PKIB: variants seen among roughly 807,000 people sequenced by gnomAD.
PKIB encodes PKI-beta.
Under a neutral mutation model 4.5 loss-of-function variants are expected in PKIB, and 2 were observed. That is an observed-to-expected ratio of 0.44 (90% CI 0.18 to 1.39). The LOEUF is 1.39. Ranked by LOEUF, PKIB falls within the 40% of genes most tolerant of loss-of-function variation. The pLI is 0.27. For synonymous variants in PKIB, 38 were observed against 36.0 expected, an observed-to-expected ratio of 1.06 and a Z score of -0.20; for missense variants, 94 against 92.6, an observed-to-expected ratio of 1.02 and a Z score of -0.06.
At chr6:122,684,526 G>A (rs780435454) in intron 3 of PKIB, among the ~76,000 whole-genome samples, 1 of 151,972 alleles carries the variant, frequency 6.6e-6, no homozygotes, top group Non-Finnish European at 1.5e-5. Context: ...CTAGTAATCT[G>A]ATGTTAGAAA....
chr6:122,508,455 C>T (rs909549958), intron 2 of PKIB, among the ~76,000 whole-genome samples: 1 of 151,962 alleles, frequency 6.6e-6, no homozygotes, highest in African/African-American at 2.4e-5. Context: ...GTTTTTAAGT[C>T]CTGTTGTGTT....
At chr6:122,490,992 C>T (rs1393258967) in intron 2 of PKIB, among the ~76,000 whole-genome samples, 2 of 152,022 alleles carry the variant, frequency 1.3e-5, no homozygotes, top group East Asian at 3.9e-4. Flanking sequence ...GTTCCTGCCT[C>T]CTCAGAAGAA....
At chr6:122,690,343 T>A (rs1345220949) in intron 3 of PKIB, among the ~76,000 whole-genome samples, 2 of 152,116 alleles carry the variant, frequency 1.3e-5, no homozygotes, top group Non-Finnish European at 2.9e-5. Context: ...GCGTTCCTTT[T>A]AGTGAAGATG....
chr6:122,540,600 A>G, intron 2 of PKIB, among the ~76,000 whole-genome samples: 1 of 151,874 alleles, frequency 6.6e-6, no homozygotes, highest in East Asian at 1.9e-4. Context: ...TTTACTTCCA[A>G]CTATGTGGTC....
chr6:122,548,739 G>A (rs778961920), intron 2 of PKIB, among the ~76,000 whole-genome samples: 2 of 151,992 alleles, frequency 1.3e-5, no homozygotes, highest in East Asian at 1.9e-4. Flanking sequence ...AATATATTGA[G>A]TACAATTAAT....
At chr6:122,662,082 A>G (rs1166748620) in intron 2 of PKIB, among the ~76,000 whole-genome samples, 1 of 152,040 alleles carries the variant, frequency 6.6e-6, no homozygotes, top group African/African-American at 2.4e-5. Flanking sequence ...TTCTATATAT[A>G]CTTAACTTAC....
chr6:122,592,776 C>A (rs1774057744), intron 3 of PKIB, among the ~76,000 whole-genome samples: 1 of 152,134 alleles, frequency 6.6e-6, no homozygotes, highest in Non-Finnish European at 1.5e-5. Context: ...GTTAAGGATG[C>A]AAGTACAGCA....
intron 2 of PKIB, among the ~76,000 whole-genome samples, chr6:122,574,205 G>A (rs890637491): frequency 6.6e-6 from 1 of 151,994 alleles, no homozygotes; most frequent in Non-Finnish European, 1.5e-5. Context: ...CAAAAATCTA[G>A]GAATATCCTT....
chr6:122,533,043 T>A (rs963658557), intron 2 of PKIB, among the ~76,000 whole-genome samples: 1 of 152,176 alleles, frequency 6.6e-6, no homozygotes, highest in African/African-American at 2.4e-5. Context: ...TTTTGAGTTG[T>A]AGCAGTTCTT....
chr6:122,720,922 A>C (rs1562320279), intron 4 of PKIB, among the ~76,000 whole-genome samples: 1 of 152,074 alleles, frequency 6.6e-6, no homozygotes, highest in Non-Finnish European at 1.5e-5. Context: ...GGCTGGTCTC[A>C]AACTCCTGAC....
intron 2 of PKIB, among the ~76,000 whole-genome samples, chr6:122,496,520 ATCT>A (rs543700611): frequency 1.4e-3 from 216 of 152,354 alleles, no homozygotes; most frequent in African/African-American, 5.0e-3. Context: ...GAAAAGATAA[ATCT>A]TCTAAAAAGA....
intron 2 of PKIB, among the ~76,000 whole-genome samples, chr6:122,485,552 G>A (rs1465131231): frequency 1.3e-5 from 2 of 152,142 alleles, no homozygotes; most frequent in African/African-American, 4.8e-5. Flanking sequence ...TCAGTCGTGT[G>A]TTACTGGAAT....
chr6:122,554,233 A>T (rs1772772802), intron 2 of PKIB, among the ~76,000 whole-genome samples: 1 of 152,248 alleles, frequency 6.6e-6, no homozygotes, highest in Admixed American at 6.5e-5. Context: ...ATAACACATT[A>T]GCCTACAATA....
At chr6:122,538,049 T>C (rs1156604897) in intron 2 of PKIB, among the ~76,000 whole-genome samples, 1 of 152,078 alleles carries the variant, frequency 6.6e-6, no homozygotes, top group Non-Finnish European at 1.5e-5. Context: ...TGTAAATTTG[T>C]TTGAGTTCAT....
chr6:122,549,234 T>C (rs747511268), intron 2 of PKIB, among the ~76,000 whole-genome samples: 1 of 152,180 alleles, frequency 6.6e-6, no homozygotes, highest in Non-Finnish European at 1.5e-5. Flanking sequence ...AGTATGGGTA[T>C]CATACATATG....
In PKIB at chr6:122,715,649, G is replaced by GTATATATATATA. The variant is rs138034261; in HGVS notation, c.-8-2133_-8-2122dup. On this transcript the variant is annotated intron_variant, in intron 3 of 4. Transcript: ENST00000368452. ...TTATTTCATCACTCAGGTATTTTAT[G>GTATATATATATA]TATATATATATATATACATACACAT... Among the ~76,000 whole-genome samples the GTATATATATATA allele has an allele frequency of 1.3e-3, 189 of 146,838 alleles. 1 individual carries two copies. Among genetic ancestry groups the GTATATATATATA allele is most frequent in the East Asian group, 5.7e-3 (29 of 5,082 alleles).
chr6:122,614,023 T>G (rs1273953043), intron 1 of PKIB, among the ~76,000 whole-genome samples: 2 of 151,898 alleles, frequency 1.3e-5, no homozygotes, highest in Non-Finnish European at 2.9e-5. Context: ...TATGCTACTT[T>G]TTACTGAACT....
Position 122,713,500 on chromosome 6 carries a change from T to C in PKIB, c.-8-4287T>C, listed in dbSNP as rs377441796. Reference sequence around the variant, plus strand: ...ATCACAAGCCATTTGAAGAGAGCAATTGTCTGTTTTCTATATGTATATCGC... The same window carrying C: ...ATCACAAGCCATTTGAAGAGAGCAACTGTCTGTTTTCTATATGTATATCGC... On this transcript the variant is annotated intron_variant, in intron 3 of 4. Transcript: ENST00000368452. Among the ~76,000 whole-genome samples, 38 of 152,312 alleles carry C rather than the reference T, an allele frequency of 2.5e-4. No homozygotes were observed. The South Asian group carries it at 7.5e-3, about 30-fold the overall frequency.
At chr6:122,694,579 A>T (rs915356694) in intron 3 of PKIB, among the ~76,000 whole-genome samples, 1 of 152,174 alleles carries the variant, frequency 6.6e-6, no homozygotes. Flanking sequence ...CCACAATTTA[A>T]TCAAGTGTTA....
Sources: allele counts gnomAD v4.1 joint callset (sites outside exome capture counted in the v4.1 genomes callset), GRCh38; gene constraint gnomAD v4.1.1; transcripts MANE v1.5; gene names NCBI Gene and HGNC (gene_info 2026-07-23, HGNC 2026-07-21).